Variants in DLC1 observed in about 807,000 individuals in gnomAD.
DLC1 encodes rho GTPase-activating protein 7.
Under a neutral mutation model 140.3 loss-of-function variants are expected in DLC1, and 54 were observed. The ratio of observed to expected loss-of-function variants is 0.38; its 90% CI spans 0.31 to 0.48. DLC1 has a LOEUF of 0.48. Ranked by LOEUF, DLC1 falls within the 20% of genes least tolerant of loss-of-function variation. DLC1 has a pLI of 0.96. For synonymous variants in DLC1, 986 were observed against 728.1 expected (o/e 1.35, Z -5.70); for missense variants, 2,536 against 1,907.0 (o/e 1.33, Z -6.14).
At chr8:13,110,599 A>G (rs1820004871) in intron 7 of DLC1, 143 bp downstream of exon 7, 1 of 729,918 alleles carries the variant, frequency 1.4e-6, no homozygotes, top group East Asian at 2.5e-5. Flanking sequence ...GTTTTTAATT[A>G]AAAGGTCTAT....
chr8:13,282,172 T>C (rs925502795), intron 5 of DLC1, among the ~76,000 whole-genome samples: 5 of 152,186 alleles, frequency 3.3e-5, no homozygotes, highest in African/African-American at 1.2e-4. Flanking sequence ...TAGCTATTAG[T>C]ATATATAATT....
At chr8:13,302,043 C>T (rs73562508) in intron 5 of DLC1, among the ~76,000 whole-genome samples, 5 of 152,114 alleles carry the variant, frequency 3.3e-5, no homozygotes, top group Admixed American at 1.3e-4. Flanking sequence ...TTATACATAT[C>T]GATACTTGTG....
intron 1 of DLC1, among the ~76,000 whole-genome samples, chr8:13,582,720 C>G (rs997327459): frequency 2.0e-5 from 3 of 151,086 alleles, no homozygotes; most frequent in African/African-American, 7.3e-5. Flanking sequence ...CATTCTGTCC[C>G]TCTAGAGAAC....
intron 4 of DLC1, among the ~76,000 whole-genome samples, chr8:13,364,744 G>C (rs1423821432): frequency 1.3e-5 from 2 of 152,098 alleles, no homozygotes; most frequent in African/African-American, 4.8e-5. Flanking sequence ...AGACATCTTT[G>C]TCAGCCTTTC....
intron 4 of DLC1, among the ~76,000 whole-genome samples, chr8:13,358,382 C>T (rs1017029764): frequency 1.4e-4 from 22 of 152,266 alleles, no homozygotes; most frequent in African/African-American, 4.8e-4. Flanking sequence ...AGGGTATATG[C>T]TCTCTGGGTA....
At chr8:13,541,576 G>A (rs1179415727) in intron 1 of DLC1, among the ~76,000 whole-genome samples, 2 of 152,104 alleles carry the variant, frequency 1.3e-5, no homozygotes, top group African/African-American at 2.4e-5. Flanking sequence ...TTGAGCCGGG[G>A]TCTCACTCTG....
At chr8:13,478,405 A>G (rs1800536925) in intron 2 of DLC1, among the ~76,000 whole-genome samples, 1 of 152,186 alleles carries the variant, frequency 6.6e-6, no homozygotes, top group African/African-American at 2.4e-5. Flanking sequence ...GGCATTTGAG[A>G]TTACAATTCG....
At chr8:13,144,938 T>C (rs986067577) in intron 5 of DLC1, among the ~76,000 whole-genome samples, 3 of 152,228 alleles carry the variant, frequency 2.0e-5, no homozygotes, top group African/African-American at 7.2e-5. Flanking sequence ...GCTATTGTTT[T>C]AAGCCATTGC....
At chr8:13,544,573 C>T (rs1205676709) in intron 1 of DLC1, among the ~76,000 whole-genome samples, 3 of 152,090 alleles carry the variant, frequency 2.0e-5, no homozygotes, top group Non-Finnish European at 4.4e-5. Context: ...AGTGTAGCAG[C>T]TGGGGCTGCT....
At chr8:13,178,407 A>G (rs1009430272) in intron 5 of DLC1, among the ~76,000 whole-genome samples, 2 of 151,914 alleles carry the variant, frequency 1.3e-5, no homozygotes, top group African/African-American at 4.8e-5. Context: ...CTAAAAATAC[A>G]AAAAATTAGC....
At chr8:13,309,239 T>G (rs1832573318) in intron 4 of DLC1, among the ~76,000 whole-genome samples, 2 of 152,162 alleles carry the variant, frequency 1.3e-5, no homozygotes, top group Non-Finnish European at 2.9e-5. Flanking sequence ...ACTTATATAT[T>G]TTTTTCTCTT....
At chr8:13,332,059 C>A (rs1024788989) in intron 4 of DLC1, among the ~76,000 whole-genome samples, 1 of 152,172 alleles carries the variant, frequency 6.6e-6, no homozygotes, top group African/African-American at 2.4e-5. Flanking sequence ...TTAGCTTCAG[C>A]ATTTTTAATG....
At chr8:13,504,860 A>C (rs1409692272) in intron 1 of DLC1, among the ~76,000 whole-genome samples, 1 of 152,216 alleles carries the variant, frequency 6.6e-6, no homozygotes, top group Non-Finnish European at 1.5e-5. Context: ...GACATGGCAA[A>C]AGGAAGCCAA....
At position 13,102,755 on chromosome 8, in the gene DLC1, T is replaced by A. The variant is rs200690781; in HGVS notation, c.1566+35A>T. 1.9e-6 allele frequency: 3 copies of A among 1,581,992 alleles called. No individual in the cohort carries two copies. In the African/African-American group the frequency reaches 4.0e-5, roughly 21 times the overall value. ...CATTCACTTTTTTGTTTGCCCCTTT[T>A]CCCCCTCATTCTATTATGCAATTTG... is the stretch of plus-strand genomic sequence containing the variant. On this transcript the variant is annotated intron_variant, in intron 8 of 17. Transcript: ENST00000276297.
Position 13,237,971 on chromosome 8 carries a change from A to G in DLC1, c.1348+67298T>C, listed in dbSNP as rs891167257. Among the ~76,000 whole-genome samples the G allele has an allele frequency of 6.6e-5, 10 of 152,308 alleles. No homozygotes were observed. In the East Asian group the frequency reaches 1.7e-3, roughly 27 times the overall value. ...GAAAGAAAGAAAAAGAAAGAAAGAA[A>G]AGAAGGAAAGAAACGAACAGGTGAA... On this transcript the variant is annotated intron_variant, in intron 5 of 17. Coordinates refer to ENST00000276297, the MANE Select transcript of DLC1 (RefSeq NM_182643.3).
chr8:13,442,423 C>T (rs1364554746), intron 2 of DLC1, among the ~76,000 whole-genome samples: 1 of 152,140 alleles, frequency 6.6e-6, no homozygotes, highest in South Asian at 2.1e-4. Flanking sequence ...AGGCAACCTA[C>T]AGAATGGGAG....
At chr8:13,297,691 A>T (rs938410036) in intron 5 of DLC1, among the ~76,000 whole-genome samples, 4 of 152,206 alleles carry the variant, frequency 2.6e-5, no homozygotes, top group Non-Finnish European at 5.9e-5. Context: ...AACAGAGCAG[A>T]GTCTTTCCAA....
At chr8:13,373,196 G>A (rs1027875475) in intron 4 of DLC1, among the ~76,000 whole-genome samples, 5 of 152,000 alleles carry the variant, frequency 3.3e-5, no homozygotes, top group African/African-American at 4.8e-5. Flanking sequence ...TTTAAGATGG[G>A]TGCAAACGGG....
Position 13,499,858 on chromosome 8 carries a change from C to A in DLC1, c.214G>T (p.Asp72Tyr). ...TGACCCATTGGCCTCCCAGGAAAAT[C>A]TCTCAGCTCTGATCCATGACAGCAG... Reference protein sequence around the residue: ...PDCCHGSELRDFPGRPMGHLS... With the variant: ...PDCCHGSELRYFPGRPMGHLS... The change falls in exon 2 of 18, where the codon GAT (aspartate) becomes TAT (tyrosine). Residue 72 changes from aspartate (D) to tyrosine (Y), a missense_variant. Asp to Tyr is a radical substitution (Grantham distance 160). Coordinates refer to ENST00000276297, the MANE Select transcript of DLC1 (RefSeq NM_182643.3). 6.2e-7 allele frequency: 1 copy of A among 1,614,108 alleles called. No individual in the cohort carries two copies. Among genetic ancestry groups the A allele is most frequent in the Admixed American group, 1.7e-5 (1 of 60,018 alleles).
Sources: allele counts gnomAD v4.1 joint callset (sites outside exome capture counted in the v4.1 genomes callset), GRCh38; gene constraint gnomAD v4.1.1; transcripts MANE v1.5; gene names NCBI Gene and HGNC (gene_info 2026-07-23, HGNC 2026-07-21).